Variants in DMD observed in about 807,000 individuals in gnomAD.
The protein encoded by DMD is mutant dystrophin.
DMD carries 63 observed loss-of-function variants against 330.1 expected under a neutral mutation model. That is an observed-to-expected ratio of 0.19 (90% confidence interval 0.16 to 0.24). The LOEUF is 0.24. Among genes scored for constraint, DMD ranks in the 10% least tolerant of loss-of-function variants. The pLI is 1.00. For missense variants in DMD, 3,344 were observed against 2,684.1 expected (o/e 1.25, Z -5.43); for synonymous variants, 1,223 against 959.8 (o/e 1.27, Z -5.07).
intron 38 of DMD, 38 bp downstream of exon 38, chrX:32,348,368 C>A (rs769772508): frequency 8.5e-7 from 1 of 1,181,158 alleles, no homozygotes; most frequent in Non-Finnish European, 1.1e-6. Context: ...TTTATTTCCA[C>A]TCCTAGTTCA....
chrX:32,085,431 T>C (rs1467006754), intron 44 of DMD, among the ~76,000 whole-genome samples: 2 of 108,805 alleles, frequency 1.8e-5, no homozygotes, highest in Non-Finnish European at 3.8e-5. Context: ...TATCACTGAT[T>C]CCCTTGCACA....
chrX:32,739,067 A>C (rs1444908619), intron 7 of DMD, among the ~76,000 whole-genome samples: 3 of 112,018 alleles, frequency 2.7e-5, no homozygotes, highest in African/African-American at 9.7e-5. Context: ...TCCTGCACTA[A>C]ATGTTTCAAA....
intron 11 of DMD, among the ~76,000 whole-genome samples, chrX:32,625,494 C>A (rs1278630714): frequency 1.8e-5 from 2 of 112,038 alleles, no homozygotes; most frequent in Non-Finnish European, 3.8e-5. Flanking sequence ...CTTATCCATA[C>A]CAATTTATTT....
At chrX:32,693,464 C>T (rs895459412) in intron 9 of DMD, among the ~76,000 whole-genome samples, 19 of 111,385 alleles carry the variant, frequency 1.7e-4, no homozygotes, top group African/African-American at 6.2e-4. Flanking sequence ...GTTTTGAGAC[C>T]GAGTCTTGCC....
chrX:31,543,097 G>A (rs924714371), intron 55 of DMD, among the ~76,000 whole-genome samples: 12 of 111,243 alleles, frequency 1.1e-4, no homozygotes, highest in African/African-American at 3.3e-4. Context: ...GGGCAACCTC[G>A]GCAATTGGCT....
intron 43 of DMD, among the ~76,000 whole-genome samples, chrX:32,253,431 A>C (rs1322458431): frequency 1.8e-5 from 2 of 110,531 alleles, no homozygotes; most frequent in African/African-American, 6.6e-5. Flanking sequence ...ATATGGCAGA[A>C]CGATGTAAAG....
intron 44 of DMD, among the ~76,000 whole-genome samples, chrX:32,132,662 T>A (rs1436388009): frequency 9.0e-6 from 1 of 111,507 alleles, no homozygotes; most frequent in African/African-American, 3.3e-5. Flanking sequence ...ATTCAACCAC[T>A]GAGACAAATA....
At chrX:32,400,519 T>C (rs2098079023) in intron 30 of DMD, among the ~76,000 whole-genome samples, 2 of 111,399 alleles carry the variant, frequency 1.8e-5, no homozygotes, top group South Asian at 7.4e-4. Context: ...ATTGGAATAG[T>C]TTCAGAAGGA....
intron 2 of DMD, among the ~76,000 whole-genome samples, chrX:32,874,757 T>A (rs1194530050): frequency 8.9e-6 from 1 of 111,750 alleles, no homozygotes; most frequent in Non-Finnish European, 1.9e-5. Context: ...TCTTTATGGG[T>A]TTCTTAGAAT....
chrX:31,251,961 C>A (rs2049410291), intron 63 of DMD, among the ~76,000 whole-genome samples: 1 of 112,277 alleles, frequency 8.9e-6, no homozygotes, highest in Non-Finnish European at 1.9e-5. Flanking sequence ...AGGAACAATT[C>A]TTTTTGAGTT....
At chrX:33,280,494 G>C (rs1357057330) in intron 1 of DMD, among the ~76,000 whole-genome samples, 7 of 110,642 alleles carry the variant, frequency 6.3e-5, no homozygotes, top group African/African-American at 2.3e-4. Context: ...TTTGTTTTTT[G>C]CCTATGGGTG....
chrX:31,538,083 C>T (rs2073545047), intron 55 of DMD, among the ~76,000 whole-genome samples: 1 of 111,702 alleles, frequency 9.0e-6, no homozygotes, highest in South Asian at 3.8e-4. Flanking sequence ...GCGTCTAGCC[C>T]GCACATGTGC....
At chrX:32,404,891 T>A (rs889345665) in intron 30 of DMD, among the ~76,000 whole-genome samples, 32 of 111,388 alleles carry the variant, frequency 2.9e-4, no homozygotes, top group African/African-American at 9.4e-4. Context: ...TGAACATTCT[T>A]TTTGTCTAAA....
chrX:31,269,566 G>A (rs1342437261), intron 62 of DMD, among the ~76,000 whole-genome samples: 2 of 112,018 alleles, frequency 1.8e-5, no homozygotes, highest in Non-Finnish European at 3.8e-5. Flanking sequence ...CTGCCATGAA[G>A]AGACATGGCT....
chrX:31,676,042 T>C (rs931673796), intron 53 of DMD, among the ~76,000 whole-genome samples: 1 of 112,083 alleles, frequency 8.9e-6, no homozygotes, highest in Non-Finnish European at 1.9e-5. Context: ...CATTTCATTG[T>C]TGCTCAGTAG....
At chrX:33,291,631 C>G (rs1206766623) in intron 1 of DMD, among the ~76,000 whole-genome samples, 1 of 111,101 alleles carries the variant, frequency 9.0e-6, no homozygotes, top group Admixed American at 9.6e-5. Context: ...ATTTTATTGC[C>G]AAGAGATAGA....
intron 53 of DMD, among the ~76,000 whole-genome samples, chrX:31,665,678 G>A (rs1214471610): frequency 9.0e-6 from 1 of 111,490 alleles, no homozygotes; most frequent in African/African-American, 3.3e-5. Flanking sequence ...ACATACCAAC[G>A]TCGTTACTTT....
At chrX:32,807,122 TAA>T (rs999286386) in intron 7 of DMD, among the ~76,000 whole-genome samples, 89 of 20,730 alleles carry the variant, frequency 4.3e-3, no homozygotes, top group African/African-American at 0.013. Context: ...CGGAAACATT[TAA>T]AAAAAAAAAA....
chrX:32,343,471 T>C (rs1384078209), intron 39 of DMD, among the ~76,000 whole-genome samples, 185 bp from the exon 40 acceptor site: 1 of 112,152 alleles, frequency 8.9e-6, no homozygotes, highest in Non-Finnish European at 1.9e-5. Context: ...GACCCATGTA[T>C]AGGAAGCTAA....
Sources: allele counts gnomAD v4.1 joint callset (sites outside exome capture counted in the v4.1 genomes callset), GRCh38; gene constraint gnomAD v4.1.1; transcripts MANE v1.5; gene names NCBI Gene and HGNC (gene_info 2026-07-23, HGNC 2026-07-21).